EBF1: variants seen among roughly 807,000 people sequenced by gnomAD.
The protein encoded by EBF1 is transcription factor COE1.
In EBF1, 10 loss-of-function variants were observed where a neutral mutation model predicts 68.4. The ratio of observed to expected loss-of-function variants is 0.15; its 90% confidence interval spans 0.09 to 0.25. The LOEUF (loss-of-function observed/expected upper bound fraction) is 0.25, where lower values mean the gene tolerates loss of function less well. EBF1 is among the 10% of genes least tolerant of loss of function. EBF1 has a pLI of 1.00. For synonymous variants in EBF1, 298 were observed against 299.8 expected (o/e 0.99, Z 0.06); for missense variants, 509 against 794.4 (o/e 0.64, Z 4.32).
At chr5:158,757,262 A>T (rs1315235750) in intron 10 of EBF1, among the ~76,000 whole-genome samples, 1 of 152,172 alleles carries the variant, frequency 6.6e-6, no homozygotes, top group Non-Finnish European at 1.5e-5. Flanking sequence ...CATAGTGATC[A>T]GTACAATACC....
At chr5:158,960,248 C>A (rs1386264324) in intron 6 of EBF1, among the ~76,000 whole-genome samples, 3 of 152,092 alleles carry the variant, frequency 2.0e-5, no homozygotes, top group African/African-American at 7.2e-5. Context: ...CATTCTAAAT[C>A]ATTAAGAGAA....
chr5:158,933,194 A>T (rs1377059101), intron 6 of EBF1, among the ~76,000 whole-genome samples: 1 of 152,040 alleles, frequency 6.6e-6, no homozygotes, highest in Non-Finnish European at 1.5e-5. Context: ...ATATTTTGAC[A>T]TGTAAACTTT....
chr5:158,739,738 A>T (rs1765912645), intron 10 of EBF1, among the ~76,000 whole-genome samples: 1 of 152,158 alleles, frequency 6.6e-6, no homozygotes, highest in Non-Finnish European at 1.5e-5. Flanking sequence ...GAGTAATATT[A>T]CTTCTATAAT....
chr5:158,702,475 T>C (rs1168050171), intron 15 of EBF1, among the ~76,000 whole-genome samples: 1 of 152,170 alleles, frequency 6.6e-6, no homozygotes, highest in Admixed American at 6.5e-5. Flanking sequence ...CTCAGAAAAC[T>C]ATTGCTTTGA....
chr5:158,944,475 G>C (rs1262909684), intron 6 of EBF1, among the ~76,000 whole-genome samples: 1 of 152,058 alleles, frequency 6.6e-6, no homozygotes, highest in Non-Finnish European at 1.5e-5. Flanking sequence ...TCATTGATGG[G>C]CATTTGGATT....
chr5:159,074,906 A>G (rs1778464356), intron 5 of EBF1, among the ~76,000 whole-genome samples: 1 of 151,508 alleles, frequency 6.6e-6, no homozygotes, highest in South Asian at 2.1e-4. Context: ...GTATCATGAT[A>G]TCTAAGAGAC....
rs189546940 is a variant in EBF1, at chr5:158,908,930, A to C, written c.555-68820T>G. On this transcript the variant is annotated intron_variant, in intron 6 of 15. Coordinates refer to ENST00000313708, the MANE Select transcript of EBF1 (RefSeq NM_024007.5). Reference sequence around the variant, plus strand: ...GGTCAAGCTGCTCCGCTTGCCATGCATCAATGCCACTTTGTTCAGACCGAC... The same window carrying C: ...GGTCAAGCTGCTCCGCTTGCCATGCCTCAATGCCACTTTGTTCAGACCGAC... Among the ~76,000 whole-genome samples the C allele has an allele frequency of 1.7e-3, 256 of 152,316 alleles. 1 individual carries two copies. Among genetic ancestry groups the C allele is most frequent in the African/African-American group, 4.6e-3 (193 of 41,572 alleles).
chr5:158,716,070 T>G (rs898034554), intron 11 of EBF1, among the ~76,000 whole-genome samples: 51 of 152,192 alleles, frequency 3.4e-4, no homozygotes, highest in African/African-American at 1.2e-3. Flanking sequence ...ACTTCACTCT[T>G]GTAACACTAT....
chr5:158,780,166 G>A (rs962907545), intron 9 of EBF1, among the ~76,000 whole-genome samples: 9 of 152,206 alleles, frequency 5.9e-5, no homozygotes, highest in African/African-American at 1.9e-4. Flanking sequence ...TTTATTGCTG[G>A]AAGGAATGCT....
At chr5:158,767,009 G>T (rs1034684619) in intron 10 of EBF1, among the ~76,000 whole-genome samples, 1 of 152,080 alleles carries the variant, frequency 6.6e-6, no homozygotes, top group South Asian at 2.1e-4. Flanking sequence ...ATACAGCTCA[G>T]TTCCTACTTT....
intron 6 of EBF1, among the ~76,000 whole-genome samples, chr5:158,909,956 T>TAAAAAAAAAAAA (rs59274919): frequency 4.3e-5 from 2 of 46,736 alleles, no homozygotes; most frequent in African/African-American, 1.5e-4. Context: ...ACTCTGTCTA[T>TAAAAAAAAAAAA]AAAAAAAAAA....
chr5:158,746,814 G>A (rs1767690008), intron 10 of EBF1, among the ~76,000 whole-genome samples: 2 of 152,116 alleles, frequency 1.3e-5, no homozygotes. Flanking sequence ...CAGAGGGCTG[G>A]GACATATCTA....
chr5:158,997,539 C>T (rs1761662457), intron 6 of EBF1, among the ~76,000 whole-genome samples: 1 of 152,158 alleles, frequency 6.6e-6, no homozygotes, highest in Admixed American at 6.6e-5. Flanking sequence ...ACCAATGATG[C>T]CCATTCTGCC....
chr5:158,809,545 CAAGTA>C (rs1782216708), intron 8 of EBF1, among the ~76,000 whole-genome samples: 2 of 152,094 alleles, frequency 1.3e-5, no homozygotes, highest in Admixed American at 1.3e-4. Flanking sequence ...ACTCTATTTC[CAAGTA>C]AAGTTATTTT....
chr5:158,883,271 G>A (rs962906075), intron 6 of EBF1, among the ~76,000 whole-genome samples: 9 of 150,730 alleles, frequency 6.0e-5, no homozygotes, highest in South Asian at 2.1e-4. Context: ...TTTTTCTGGC[G>A]ACAGCTTTTC....
chr5:158,733,731 A>T (rs1442265546), intron 10 of EBF1, among the ~76,000 whole-genome samples: 1 of 152,192 alleles, frequency 6.6e-6, no homozygotes, highest in Non-Finnish European at 1.5e-5. Flanking sequence ...GTCTGTTCAT[A>T]GCTTTAAACA....
chr5:158,792,736 G>A (rs750506267), intron 9 of EBF1, among the ~76,000 whole-genome samples: 1 of 152,192 alleles, frequency 6.6e-6, no homozygotes, highest in Non-Finnish European at 1.5e-5. Context: ...CTCTAGAGAT[G>A]AGGCTAAACA....
intron 9 of EBF1, among the ~76,000 whole-genome samples, chr5:158,782,757 A>G (rs1776678100): frequency 6.6e-6 from 1 of 152,240 alleles, no homozygotes; most frequent in African/African-American, 2.4e-5. Flanking sequence ...AAATATTTAC[A>G]TAAATTAGGC....
At chr5:158,797,486 CT>C (rs1442706975) in intron 8 of EBF1, among the ~76,000 whole-genome samples, 1 of 152,150 alleles carries the variant, frequency 6.6e-6, no homozygotes, top group East Asian at 1.9e-4. Flanking sequence ...GGACCCTCAT[CT>C]TTAATAAAAA....
Sources: gnomAD v4.1 joint callset for allele counts (sites outside exome capture counted in the v4.1 genomes callset) on GRCh38, gnomAD v4.1.1 for gene constraint, MANE v1.5 for transcripts, NCBI Gene and HGNC (gene_info 2026-07-23, HGNC 2026-07-21) for gene names.